NBEA: variants seen among roughly 807,000 people sequenced by gnomAD.
NBEA encodes the protein lysosomal-trafficking regulator 2.
A neutral mutation model predicts 343.4 loss-of-function variants in NBEA; 44 were observed. The observed-to-expected ratio is 0.13, with a 90% CI of 0.10 to 0.16. The LOEUF (loss-of-function observed/expected upper bound fraction) is 0.16. Ranked by LOEUF, NBEA falls within the 10% of genes least tolerant of loss-of-function variation. The pLI is 1.00. For missense variants in NBEA, 2,555 were observed against 3,631.3 expected (o/e 0.70, Z 7.62); for synonymous variants, 1,175 against 1,238.7 (o/e 0.95, Z 1.08).
chr13:35,536,083 T>C (rs1013007257), intron 41 of NBEA, among the ~76,000 whole-genome samples: 3 of 152,166 alleles, frequency 2.0e-5, no homozygotes, highest in Non-Finnish European at 2.9e-5. Flanking sequence ...ACCCCAAGCA[T>C]GCACCTGTGA....
intron 49 of NBEA, among the ~76,000 whole-genome samples, chr13:35,640,588 C>T (rs988752220): frequency 2.0e-5 from 3 of 152,124 alleles, no homozygotes; most frequent in Non-Finnish European, 2.9e-5. Flanking sequence ...GTCATAATTT[C>T]GTAACTTAGT....
chr13:35,225,078 G>C (rs186174445), intron 33 of NBEA, among the ~76,000 whole-genome samples: 1 of 152,078 alleles, frequency 6.6e-6, no homozygotes. Context: ...ACCCTGTTCT[G>C]ATTCAGAGAG....
intron 33 of NBEA, among the ~76,000 whole-genome samples, chr13:35,229,595 A>G (rs1199848159): frequency 1.3e-5 from 2 of 152,066 alleles, no homozygotes; most frequent in African/African-American, 4.8e-5. Flanking sequence ...TTACATATTA[A>G]CAGATAGCTG....
intron 41 of NBEA, chr13:35,475,719 T>C (rs1174790774): frequency 6.2e-6 from 10 of 1,613,720 alleles, no homozygotes; most frequent in Non-Finnish European, 7.6e-6. Context: ...TACATTTGTC[T>C]ACCGCTTGAG....
chr13:35,483,602 G>T (rs1451478010), intron 41 of NBEA, among the ~76,000 whole-genome samples: 5 of 151,880 alleles, frequency 3.3e-5, no homozygotes, highest in Admixed American at 2.6e-4. Context: ...TGATAATGAT[G>T]CTCTTTCAAA....
chr13:35,308,568 A>ATATATGTATATATGTATATATATG (rs1555361184), intron 35 of NBEA, among the ~76,000 whole-genome samples: 3 of 87,420 alleles, frequency 3.4e-5, no homozygotes, highest in African/African-American at 1.4e-4. Context: ...GTATATATGT[A>ATATATGTATATATGTATATATATG]TATATATGTA....
At position 35,114,057 on chromosome 13, in the gene NBEA, A is replaced by G. The variant is rs572278160; in HGVS notation, c.2002+3079A>G. Among the ~76,000 whole-genome samples, 316 of 152,162 alleles carry G rather than the reference A, an allele frequency of 2.1e-3. 3 individuals are homozygous for G. The highest frequency in any genetic ancestry group is 7.4e-3 in the African/African-American group (308 of 41,530). On this transcript the variant is annotated intron_variant, in intron 13 of 58. Transcript: ENST00000379939. Reference sequence around the variant, plus strand: ...TCCTTATCCCGCCCTGAAATTAGCCATTTTTCCAGGAAGCCCTGGTTTGTT... The same window carrying G: ...TCCTTATCCCGCCCTGAAATTAGCCGTTTTTCCAGGAAGCCCTGGTTTGTT...
intron 21 of NBEA, among the ~76,000 whole-genome samples, chr13:35,158,659 A>G (rs1257067348): frequency 6.6e-6 from 1 of 152,112 alleles, no homozygotes; most frequent in Non-Finnish European, 1.5e-5. Context: ...TGGTTATTGT[A>G]TATTATTAGC....
At chr13:35,062,594 A>G (rs1386115071) in intron 8 of NBEA, among the ~76,000 whole-genome samples, 3 of 151,824 alleles carry the variant, frequency 2.0e-5, no homozygotes, top group Non-Finnish European at 4.4e-5. Flanking sequence ...GAAATCAGGC[A>G]GAGGAAAACT....
chr13:35,300,532 A>T (rs932115636), intron 35 of NBEA, among the ~76,000 whole-genome samples: 1 of 152,210 alleles, frequency 6.6e-6, no homozygotes, highest in African/African-American at 2.4e-5. Flanking sequence ...AAGTAACATT[A>T]ACTGATGAGA....
chr13:34,984,248 A>G (rs911495342), intron 1 of NBEA, among the ~76,000 whole-genome samples: 6 of 152,186 alleles, frequency 3.9e-5, no homozygotes, highest in Non-Finnish European at 7.4e-5. Context: ...TCAGCTTTCT[A>G]CATATGGCTA....
At chr13:35,225,062 T>C (rs958605864) in intron 33 of NBEA, among the ~76,000 whole-genome samples, 2 of 152,212 alleles carry the variant, frequency 1.3e-5, no homozygotes, top group African/African-American at 4.8e-5. Context: ...TCACTATTTC[T>C]GTTCTACCCT....
At chr13:35,201,800 A>AATCCCAGAAAAG (rs2073040666) in intron 31 of NBEA, among the ~76,000 whole-genome samples, 2 of 152,170 alleles carry the variant, frequency 1.3e-5, no homozygotes, top group Admixed American at 6.6e-5. Context: ...AAAAGATTTG[A>AATCCCAGAAAAG]ATCCCAGAAA....
chr13:35,466,608 T>C (rs1461657907), intron 40 of NBEA, among the ~76,000 whole-genome samples: 1 of 152,032 alleles, frequency 6.6e-6, no homozygotes, highest in African/African-American at 2.4e-5. Context: ...GCCAGGACAA[T>C]AGGCATGTGC....
intron 36 of NBEA, among the ~76,000 whole-genome samples, chr13:35,328,239 G>A (rs2038703833): frequency 6.6e-6 from 1 of 151,736 alleles, no homozygotes; most frequent in Non-Finnish European, 1.5e-5. Flanking sequence ...ATAAAACATT[G>A]GAAACTGAAA....
chr13:35,215,993 T>G (rs936900822), intron 33 of NBEA, among the ~76,000 whole-genome samples: 4 of 151,526 alleles, frequency 2.6e-5, no homozygotes, highest in Non-Finnish European at 5.9e-5. Flanking sequence ...TTTAAAAATT[T>G]TATTATTAAT....
At chr13:35,222,009 GC>G (rs1241922463) in intron 33 of NBEA, among the ~76,000 whole-genome samples, 1 of 152,076 alleles carries the variant, frequency 6.6e-6, no homozygotes, top group Admixed American at 6.6e-5. Context: ...ATTTTGTCCA[GC>G]TTTTTTAGTT....
intron 39 of NBEA, among the ~76,000 whole-genome samples, chr13:35,444,913 A>G (rs910412611): frequency 6.6e-6 from 1 of 152,150 alleles, no homozygotes; most frequent in African/African-American, 2.4e-5. Context: ...AATGTAAGCT[A>G]TTTATACTAC....
chr13:35,528,512 A>G (rs1048752462), intron 41 of NBEA, among the ~76,000 whole-genome samples: 4 of 152,246 alleles, frequency 2.6e-5, no homozygotes, highest in African/African-American at 9.6e-5. Flanking sequence ...AATAAGGTTA[A>G]TATTTTAAAA....
Sources: gnomAD v4.1 joint callset for allele counts (sites outside exome capture counted in the v4.1 genomes callset) on GRCh38, gnomAD v4.1.1 for gene constraint, MANE v1.5 for transcripts, NCBI Gene and HGNC (gene_info 2026-07-23, HGNC 2026-07-21) for gene names.